MAML2: variants seen among roughly 807,000 people sequenced by gnomAD.
The protein encoded by MAML2 is mastermind like transcriptional coactivator 2, also known as mastermind-like protein 2.
Under a neutral mutation model 96.1 loss-of-function variants are expected in MAML2, and 22 were observed. The ratio of observed to expected loss-of-function variants is 0.23; its 90% CI spans 0.16 to 0.33. MAML2 has a LOEUF of 0.33. MAML2 is among the 10% of genes least tolerant of loss of function. MAML2 has a pLI of 1.00. For missense variants in MAML2, 1,367 were observed against 1,392.4 expected (o/e 0.98, Z 0.29); for synonymous variants, 561 against 521.3 (o/e 1.08, Z -1.04).
chr11:96,319,887 A>G (rs1208911527), intron 1 of MAML2, among the ~76,000 whole-genome samples: 1 of 152,250 alleles, frequency 6.6e-6, no homozygotes, highest in Non-Finnish European at 1.5e-5. Context: ...TAGGATGCCA[A>G]TGAGCATACC....
rs377402607 is a variant in MAML2, at chr11:96,084,572, A to C, written c.2139+7320T>G. Among the ~76,000 whole-genome samples the C allele has an allele frequency of 5.3e-5, 8 of 152,206 alleles. No individual in the cohort carries two copies. In the East Asian group the frequency reaches 9.6e-4, roughly 18 times the overall value. ...GTTGCCAATAATAACTCCAGCGGCT[A>C]CATGTCCCCACCCTTCCACCTTTCA... On this transcript the variant is annotated intron_variant, in intron 2 of 4. Transcript: ENST00000524717.
intron 1 of MAML2, among the ~76,000 whole-genome samples, chr11:96,110,718 A>C (rs189236172): frequency 2.5e-4 from 38 of 152,344 alleles, no homozygotes; most frequent in East Asian, 9.6e-4. Flanking sequence ...GGAACAACAA[A>C]AAAAAATACT....
intron 1 of MAML2, among the ~76,000 whole-genome samples, chr11:96,316,600 G>A (rs1185451552): frequency 6.6e-6 from 1 of 152,206 alleles, no homozygotes; most frequent in Admixed American, 6.5e-5. Context: ...CAACTTCTGT[G>A]TAGTAAGCAA....
chr11:96,284,273 A>AAT (rs1438748261), intron 1 of MAML2, among the ~76,000 whole-genome samples: 1 of 152,220 alleles, frequency 6.6e-6, no homozygotes, highest in Admixed American at 6.5e-5. Flanking sequence ...ACTGTTCCTG[A>AAT]ATATGAATCC....
intron 1 of MAML2, among the ~76,000 whole-genome samples, chr11:96,314,455 C>T (rs1274339964): frequency 2.0e-5 from 3 of 152,194 alleles, no homozygotes; most frequent in African/African-American, 7.2e-5. Flanking sequence ...TTCCTCATAC[C>T]ACAGATATTT....
At position 96,217,655 on chromosome 11, in the gene MAML2, T is replaced by C. The variant is rs562010834; in HGVS notation, c.513+123728A>G. ...TGTAGGAGTAGGTGAAGGTGAATAA[T>C]GGTTGGCAACTTTCTAGTTGATCAT... On this transcript the variant is annotated intron_variant, in intron 1 of 4. Coordinates refer to ENST00000524717, the MANE Select transcript of MAML2 (RefSeq NM_032427.4). Among the ~76,000 whole-genome samples the C allele has an allele frequency of 3.3e-5, 5 of 152,322 alleles. No homozygotes were observed. The South Asian group carries it at 1.0e-3, about 32-fold the overall frequency.
Position 96,116,057 on chromosome 11 carries a change from G to A in MAML2, c.514-22540C>T, listed in dbSNP as rs546494068. Among the ~76,000 whole-genome samples the A allele has an allele frequency of 2.6e-5, 4 of 152,246 alleles. No individual in the cohort carries two copies. In the South Asian group the frequency reaches 8.3e-4, roughly 32 times the overall value. On this transcript the variant is annotated intron_variant, in intron 1 of 4. Coordinates refer to ENST00000524717, the MANE Select transcript of MAML2 (RefSeq NM_032427.4). ...ACCCTGACAAGTCTGAGGCCAGGAAGCTAGGTATCTACTGGGATTCTAATG... is the reference window on the plus strand; with the variant it reads ...ACCCTGACAAGTCTGAGGCCAGGAAACTAGGTATCTACTGGGATTCTAATG...
intron 1 of MAML2, among the ~76,000 whole-genome samples, chr11:96,301,975 C>T (rs1053185893): frequency 3.9e-5 from 6 of 152,170 alleles, no homozygotes; most frequent in Admixed American, 2.6e-4. Context: ...TTTCTTAGTT[C>T]TTATTTTGGC....
At chr11:96,199,245 G>A (rs1054826347) in intron 1 of MAML2, among the ~76,000 whole-genome samples, 1 of 144,256 alleles carries the variant, frequency 6.9e-6, no homozygotes, top group East Asian at 2.1e-4. Flanking sequence ...CCTTGTTGCT[G>A]TTGCTGCAGG....
At chr11:96,246,760 T>C (rs1157549460) in intron 1 of MAML2, among the ~76,000 whole-genome samples, 2 of 152,134 alleles carry the variant, frequency 1.3e-5, no homozygotes, top group Non-Finnish European at 2.9e-5. Context: ...GGATTGTAGT[T>C]ACCCATGTTG....
chr11:96,143,835 G>GA (rs1435204827), intron 1 of MAML2, among the ~76,000 whole-genome samples: 1 of 152,202 alleles, frequency 6.6e-6, no homozygotes, highest in Non-Finnish European at 1.5e-5. Flanking sequence ...GATTTCATGG[G>GA]AAAATCTGTG....
chr11:95,980,806 C>G (rs1301072989), intron 4 of MAML2, among the ~76,000 whole-genome samples: 1 of 152,160 alleles, frequency 6.6e-6, no homozygotes, highest in African/African-American at 2.4e-5. Context: ...AAAGTGCCTG[C>G]CAGTTAAACT....
intron 1 of MAML2, among the ~76,000 whole-genome samples, chr11:96,338,266 T>A (rs1863944351): frequency 1.3e-5 from 2 of 152,242 alleles, no homozygotes; most frequent in Non-Finnish European, 2.9e-5. Flanking sequence ...CTCCAAGTGG[T>A]TAGAAATGCA....
At chr11:96,287,480 A>C (rs16923509) in intron 1 of MAML2, among the ~76,000 whole-genome samples, 4,205 of 152,340 alleles carry the variant, frequency 0.028, 92 homozygotes, top group South Asian at 0.13. Flanking sequence ...GTGTCTTGCC[A>C]ATGGTCCTTT....
intron 1 of MAML2, among the ~76,000 whole-genome samples, chr11:96,218,163 C>A (rs1296533855): frequency 1.3e-5 from 2 of 152,164 alleles, no homozygotes; most frequent in Non-Finnish European, 2.9e-5. Flanking sequence ...CTAGAAAAAA[C>A]GTTTGGTGTG....
chr11:96,059,221 G>C (rs1423434470), intron 2 of MAML2, among the ~76,000 whole-genome samples: 1 of 152,182 alleles, frequency 6.6e-6, no homozygotes, highest in Non-Finnish European at 1.5e-5. Context: ...ACATGCATAA[G>C]ATGGTAATTC....
intron 1 of MAML2, among the ~76,000 whole-genome samples, chr11:96,107,907 T>C (rs898941492): frequency 1.3e-5 from 2 of 152,236 alleles, no homozygotes; most frequent in Non-Finnish European, 2.9e-5. Context: ...TATGCATCTC[T>C]TCCATCTGGC....
At chr11:96,018,705 T>A (rs1002459719) in intron 2 of MAML2, among the ~76,000 whole-genome samples, 4 of 152,174 alleles carry the variant, frequency 2.6e-5, no homozygotes, top group African/African-American at 9.7e-5. Context: ...CAAGCAACTC[T>A]CTTGCCTCAG....
intron 2 of MAML2, among the ~76,000 whole-genome samples, chr11:96,064,602 T>A (rs1396597846): frequency 6.6e-6 from 1 of 152,234 alleles, no homozygotes; most frequent in East Asian, 1.9e-4. Flanking sequence ...TATTCTTTTC[T>A]ACGAATAATA....
Sources: allele counts gnomAD v4.1 joint callset (sites outside exome capture counted in the v4.1 genomes callset), GRCh38; gene constraint gnomAD v4.1.1; transcripts MANE v1.5; gene names NCBI Gene and HGNC (gene_info 2026-07-23, HGNC 2026-07-21).